RP1: variants seen among roughly 807,000 people sequenced by gnomAD.
The protein encoded by RP1 is oxygen-regulated protein 1.
Under a neutral mutation model 14.8 loss-of-function variants are expected in RP1, and 16 were observed. The ratio of observed to expected loss-of-function variants is 1.08; its 90% CI spans 0.73 to 1.65. The LOEUF (loss-of-function observed/expected upper bound fraction) is 1.65, where lower values mean the gene tolerates loss of function less well. RP1 is among the 40% of genes most tolerant of loss of function. RP1 has a pLI of 0.00. For synonymous variants in RP1, 876 were observed against 883.6 expected (o/e 0.99, Z 0.15); for missense variants, 2,631 against 2,535.0 (o/e 1.04, Z -0.81).
At chr8:54,748,648 T>C (rs998927462) in intron 19 of RP1, among the ~76,000 whole-genome samples, 3 of 152,240 alleles carry the variant, frequency 2.0e-5, no homozygotes, top group African/African-American at 7.2e-5. Context: ...ATTTAAACCT[T>C]ATTATATTTT....
intron 19 of RP1, among the ~76,000 whole-genome samples, chr8:54,747,848 C>A (rs562739501): frequency 6.6e-6 from 1 of 152,314 alleles, no homozygotes; most frequent in Non-Finnish European, 1.5e-5. Flanking sequence ...CCTGGAGAGT[C>A]TTGGAGGTTT....
chr8:54,604,146 C>A (rs975757356), intron 1 of RP1, among the ~76,000 whole-genome samples: 1 of 152,116 alleles, frequency 6.6e-6, no homozygotes, highest in Non-Finnish European at 1.5e-5. Context: ...CCAGTTTTTG[C>A]CCATTCAGTA....
At chr8:54,636,750 A>G (rs190827225) in intron 3 of RP1, among the ~76,000 whole-genome samples, 67 of 152,258 alleles carry the variant, frequency 4.4e-4, no homozygotes, top group Non-Finnish European at 2.5e-4. Context: ...AAAAACAAAA[A>G]CAAAAAACAC....
chr8:54,795,522 G>A (rs1288600985), intron 24 of RP1, among the ~76,000 whole-genome samples: 1 of 151,986 alleles, frequency 6.6e-6, no homozygotes, highest in Admixed American at 6.6e-5. Context: ...ATTTATTGGA[G>A]GACAACTGAA....
In RP1 at chr8:54,794,673, T is replaced by C. The variant is rs150680545; in HGVS notation, c.3615+10963T>C. 4.2e-3 allele frequency among the ~76,000 whole-genome samples: 645 copies of C among 152,088 alleles called. 4 individuals are homozygous for C. Among genetic ancestry groups the C allele is most frequent in the African/African-American group, 0.015 (612 of 41,530 alleles). On this transcript the variant is annotated intron_variant, in intron 24 of 28. Coordinates refer to the RP1 transcript ENST00000637698. ...ACTTTTCCCTATGTTTTGGCAATGATGTTTTTGGCTATGACACCAGAAGCA... is the reference window on the plus strand; with the variant it reads ...ACTTTTCCCTATGTTTTGGCAATGACGTTTTTGGCTATGACACCAGAAGCA...
intron 22 of RP1, among the ~76,000 whole-genome samples, chr8:54,763,829 C>T (rs1809700304): frequency 6.6e-6 from 1 of 152,214 alleles, no homozygotes; most frequent in Non-Finnish European, 1.5e-5. Context: ...ACATAATGCT[C>T]CACAGCGTTC....
chr8:54,700,793 T>G (rs1807994880), intron 13 of RP1, among the ~76,000 whole-genome samples: 2 of 152,150 alleles, frequency 1.3e-5, no homozygotes, highest in Non-Finnish European at 2.9e-5. Flanking sequence ...CCTCAGAATA[T>G]CTGGTGACAG....
chr8:54,596,130 A>C (rs1008920725), intron 1 of RP1, among the ~76,000 whole-genome samples: 2 of 152,214 alleles, frequency 1.3e-5, no homozygotes, highest in Non-Finnish European at 2.9e-5. Context: ...TAAGACTATA[A>C]TAGACTTCAA....
chr8:54,751,586 G>A (rs185589665), intron 19 of RP1, among the ~76,000 whole-genome samples: 5 of 152,220 alleles, frequency 3.3e-5, no homozygotes, highest in African/African-American at 7.2e-5. Context: ...TAATGGTCAA[G>A]GCCATACATC....
At chr8:54,646,201 G>A (rs1806546642) in intron 3 of RP1, among the ~76,000 whole-genome samples, 1 of 151,686 alleles carries the variant, frequency 6.6e-6, no homozygotes, top group Non-Finnish European at 1.5e-5. Context: ...AAAAGATTAT[G>A]GCATAAAGTT....
intron 7 of RP1, among the ~76,000 whole-genome samples, chr8:54,667,778 C>T (rs1016057638): frequency 6.6e-6 from 1 of 152,172 alleles, no homozygotes; most frequent in Non-Finnish European, 1.5e-5. Flanking sequence ...TTGCTGACAT[C>T]ACCCAACCCA....
At chr8:54,853,514 T>C (rs916330099) in intron 26 of RP1, among the ~76,000 whole-genome samples, 6 of 152,320 alleles carry the variant, frequency 3.9e-5, no homozygotes, top group Non-Finnish European at 7.4e-5. Context: ...TCATGTCTTA[T>C]GGCCGTGCAC....
At chr8:54,834,343 C>A (rs1811608483) in intron 24 of RP1, among the ~76,000 whole-genome samples, 1 of 152,002 alleles carries the variant, frequency 6.6e-6, no homozygotes, top group Admixed American at 6.6e-5. Context: ...CAGGGAAAAA[C>A]CCACTAGAAC....
At chr8:54,602,428 G>T (rs1805314959) in intron 1 of RP1, among the ~76,000 whole-genome samples, 1 of 152,182 alleles carries the variant, frequency 6.6e-6, no homozygotes, top group Admixed American at 6.5e-5. Flanking sequence ...TCTTGATCCA[G>T]TCTATCATTG....
chr8:54,762,109 A>T (rs926478884), intron 22 of RP1, among the ~76,000 whole-genome samples: 23 of 152,284 alleles, frequency 1.5e-4, no homozygotes, highest in Admixed American at 1.4e-3. Context: ...GTAGGGTATG[A>T]TGCTGGGCAT....
At chr8:54,855,973 C>A (rs272713) in intron 26 of RP1, among the ~76,000 whole-genome samples, 31,060 of 101,998 alleles carry the variant, frequency 0.3, 3,395 homozygotes, top group East Asian at 0.45. Context: ...ACACACACAC[C>A]CCCTATAACC....
intron 3 of RP1, among the ~76,000 whole-genome samples, chr8:54,639,764 T>G (rs1399449688): frequency 6.6e-6 from 1 of 152,198 alleles, no homozygotes; most frequent in Non-Finnish European, 1.5e-5. Context: ...CTGCAAGAGT[T>G]CTTTACATAT....
At position 54,626,768 on chromosome 8, in the gene RP1, A is replaced by G. The variant is rs780674597; in HGVS notation, c.2886A>G (p.Gly962=). 6.2e-7 allele frequency: 1 copy of G among 1,613,842 alleles called. No individual in the cohort carries two copies. The highest frequency in any genetic ancestry group is 1.1e-5 in the South Asian group (1 of 91,080). The part of the protein sequence containing the change: ...FSGNDPHTNS[G]KISNFVMESN... ...GGAATGATCCCCATACAAATTCTGGAAAAATAAGTAATTTTGTTATGGAAA... is the reference window on the plus strand; with the variant it reads ...GGAATGATCCCCATACAAATTCTGGGAAAATAAGTAATTTTGTTATGGAAA... The change falls in exon 4 of 4, where the codon GGA becomes GGG. Residue 962 remains glycine, a synonymous_variant. Coordinates refer to ENST00000220676, the MANE Select transcript of RP1 (RefSeq NM_006269.2).
intron 24 of RP1, among the ~76,000 whole-genome samples, chr8:54,807,766 T>G (rs1810894120): frequency 6.6e-6 from 1 of 152,108 alleles, no homozygotes; most frequent in Non-Finnish European, 1.5e-5. Context: ...AGAAGTAGAT[T>G]CAAATACTGC....
Sources: allele counts gnomAD v4.1 joint callset (sites outside exome capture counted in the v4.1 genomes callset), GRCh38; gene constraint gnomAD v4.1.1; transcripts MANE v1.5; gene names NCBI Gene and HGNC (gene_info 2026-07-23, HGNC 2026-07-21).